ABCA10: variants seen among roughly 807,000 people sequenced by gnomAD.
ABCA10 encodes ATP binding cassette subfamily A member 10, also known as ATP-binding cassette sub-family A member 10.
A neutral mutation model predicts 187.5 loss-of-function variants in ABCA10; 169 were observed. The ratio of observed to expected loss-of-function variants is 0.90; its 90% CI spans 0.80 to 1.02. The LOEUF is 1.02. ABCA10 is among the 50% of genes least tolerant of loss of function. The probability of loss-of-function intolerance (pLI) is 0.00; values close to 1 mark genes in which losing one functional copy is unlikely to be tolerated. For missense variants in ABCA10, 1,727 were observed against 1,812.4 expected, an observed-to-expected ratio of 0.95 and a Z score of 0.86; for synonymous variants, 574 against 601.8, an observed-to-expected ratio of 0.95 and a Z score of 0.68.
Position 69,174,404 on chromosome 17 carries a change from A to G in ABCA10, c.3049-10T>C, listed in dbSNP as rs757563424. 6.4e-7 allele frequency: 1 copy of G among 1,562,248 alleles called. No homozygotes were observed. Among genetic ancestry groups the G allele is most frequent in the Non-Finnish European group, 8.7e-7 (1 of 1,149,072 alleles). Reference sequence around the variant, plus strand: ...CAATTATGCATACCACCTGCAAATAATGAGGATCAATGGCAAGATTAGAAA... The same window carrying G: ...CAATTATGCATACCACCTGCAAATAGTGAGGATCAATGGCAAGATTAGAAA... On this transcript the variant is annotated splice_polypyrimidine_tract_variant and intron_variant, in intron 24 of 38. Coordinates refer to ENST00000690296, the MANE Select transcript of ABCA10 (RefSeq NM_001377321.1).
In ABCA10 at chr17:69,174,724, C is replaced by T; in HGVS notation, c.2931G>A (p.Trp977Ter). 1 of 1,609,836 alleles carries T rather than the reference C, an allele frequency of 6.2e-7. No homozygotes were observed. Among genetic ancestry groups the T allele is most frequent in the East Asian group, 2.2e-5 (1 of 44,836 alleles). Residue 977 changes from tryptophan (W) to a stop codon, truncating the protein, a stop_gained, in exon 24 of 39, where the codon TGG (tryptophan) becomes TGA (stop). Transcript: ENST00000690296. LOFTEE classifies it high-confidence loss of function. ...GAATGTCCACCAGAGCCTGTCCACA[C>T]CAGTATGCTGAAGGCCAGAGGCCTG... Reference protein sequence around the residue: ...WISGLWPSAYWCGQALVDIPL... With the variant: ...WISGLWPSAY
intron 5 of ABCA10, 62 bp downstream of exon 5, chr17:69,221,730 C>A (rs926605382): frequency 2.1e-6 from 3 of 1,401,242 alleles, no homozygotes; most frequent in East Asian, 4.8e-5. Flanking sequence ...GGGGATGAGG[C>A]AGATATTTAA....
intron 9 of ABCA10, among the ~76,000 whole-genome samples, chr17:69,203,180 T>C (rs975467157): frequency 6.6e-6 from 1 of 152,142 alleles, no homozygotes; most frequent in African/African-American, 2.4e-5. Flanking sequence ...AGAGATATTA[T>C]GTGGGAGAGA....
rs764900379 is a variant in ABCA10, at chr17:69,154,310, T to C, written c.3711A>G (p.Leu1237=). 6.2e-6 allele frequency: 10 copies of C among 1,602,832 alleles called. No homozygotes were observed. Among genetic ancestry groups the C allele is most frequent in the Non-Finnish European group, 8.5e-6 (10 of 1,177,740 alleles). The change falls in exon 31 of 39, where the codon TTA becomes TTG. Residue 1237 remains leucine, a synonymous_variant. Coordinates refer to ENST00000690296, the MANE Select transcript of ABCA10 (RefSeq NM_001377321.1). ...FCVKKGEVLG[L]LGHNGAGKST... is the part of the protein sequence containing the mutation. ...TTTTACCAGCTCCATTGTGTCCTAG[T>C]AATCCCAAAACTTCACCTGGAAGAA...
intron 25 of ABCA10, among the ~76,000 whole-genome samples, chr17:69,166,324 A>G (rs999684716): frequency 1.4e-5 from 2 of 143,984 alleles, no homozygotes; most frequent in African/African-American, 5.0e-5. Flanking sequence ...GAAGCAGAGA[A>G]AAGTCATGAG....
rs2074484606 is a variant in ABCA10 at position 69,194,504 on chromosome 17, G to C, written c.1235-9C>G. On this transcript the variant is annotated splice_polypyrimidine_tract_variant and intron_variant, in intron 11 of 38. Transcript: ENST00000690296. ...TATGTCAAAAAATATGCCTGTTTTAGAATAAAAAGTGGAAATTAGATTTTG... is the reference window on the plus strand; with the variant it reads ...TATGTCAAAAAATATGCCTGTTTTACAATAAAAAGTGGAAATTAGATTTTG... 1.3e-6 allele frequency: 2 copies of C among 1,584,012 alleles called. No individual in the cohort carries two copies. Among genetic ancestry groups the C allele is most frequent in the South Asian group, 2.3e-5 (2 of 86,672 alleles).
At chr17:69,182,045 C>T in intron 22 of ABCA10, 108 bp downstream of exon 22, 1 of 1,157,674 alleles carries the variant, frequency 8.6e-7, no homozygotes, top group Non-Finnish European at 1.1e-6. Flanking sequence ...AAGAAACTTG[C>T]TGTTAAGTGG....
intron 9 of ABCA10, among the ~76,000 whole-genome samples, chr17:69,205,077 G>C (rs8071249): frequency 0.55 from 83,482 of 151,988 alleles, 24,749 homozygotes; most frequent in Non-Finnish European, 0.67. Context: ...GCAGTGAGCT[G>C]AGATTGTACC....
intron 1 of ABCA10, chr17:69,234,997 T>A (rs563959528): frequency 2.0e-5 from 3 of 152,192 alleles, no homozygotes; most frequent in African/African-American, 7.2e-5. Flanking sequence ...AGGAAAAAAA[T>A]TAACTAATTT....
At chr17:69,179,213 A>AC (rs1254035839) in intron 22 of ABCA10, among the ~76,000 whole-genome samples, 10 of 152,156 alleles carry the variant, frequency 6.6e-5, no homozygotes, top group South Asian at 2.1e-4. Context: ...AACAAACAAA[A>AC]AAAAAACCTC....
intron 36 of ABCA10, among the ~76,000 whole-genome samples, chr17:69,151,276 C>A (rs1417651551): frequency 1.3e-5 from 2 of 152,186 alleles, no homozygotes. Flanking sequence ...CTTCAGCTGA[C>A]CAAACCCTGC....
At chr17:69,186,314 C>T (rs775508279) in intron 19 of ABCA10, among the ~76,000 whole-genome samples, 1 of 152,140 alleles carries the variant, frequency 6.6e-6, no homozygotes, top group Non-Finnish European at 1.5e-5. Context: ...GACAGAAACT[C>T]CTTCATCTTA....
chr17:69,237,288 A>T (rs927221206), intron 1 of ABCA10, among the ~76,000 whole-genome samples: 5 of 152,198 alleles, frequency 3.3e-5, no homozygotes, highest in African/African-American at 1.2e-4. Context: ...ATCAATGCAA[A>T]ATGTTTCTGA....
At position 69,153,442 on chromosome 17, in the gene ABCA10, C is replaced by T. The variant is rs775405557; in HGVS notation, c.4041+29G>A. 6.2e-6 allele frequency: 10 copies of T among 1,613,848 alleles called. No individual in the cohort carries two copies. The Admixed American group carries it at 1.2e-4, about 19-fold the overall frequency. Reference sequence around the variant, plus strand: ...GCCCGTCGGCACCCAGCCATGGGTGCACAGGGAAACCCCGAGCCTGGCCCA... The same window carrying T: ...GCCCGTCGGCACCCAGCCATGGGTGTACAGGGAAACCCCGAGCCTGGCCCA... On this transcript the variant is annotated intron_variant, in intron 33 of 38. Coordinates refer to ENST00000690296, the MANE Select transcript of ABCA10 (RefSeq NM_001377321.1).
rs928536174 is a variant in ABCA10 at position 69,153,361 on chromosome 17, C to G, written c.4080G>C (p.Val1360=). 4 of 1,613,740 alleles carry G rather than the reference C, an allele frequency of 2.5e-6. No homozygotes were observed. The highest frequency in any genetic ancestry group is 3.4e-6 in the Non-Finnish European group (4 of 1,179,812). The change falls in exon 34 of 39, where the codon GTG becomes GTC. Residue 1360 remains valine (V), a synonymous_variant. Coordinates refer to ENST00000690296, the MANE Select transcript of ABCA10 (RefSeq NM_001377321.1). ...CGGTGAACGGCTCATCTAGAAGCAC[C>G]ACTGATGGGTTCCCCAGGATGCTCA... ...FVLSILGNPS[V]VLLDEPFTGM...
upstream of ABCA10, among the ~76,000 whole-genome samples, chr17:69,230,241 G>A (rs915396449): frequency 6.6e-6 from 1 of 152,098 alleles, no homozygotes; most frequent in Non-Finnish European, 1.5e-5. Flanking sequence ...AGAACTGTGA[G>A]AAATAAGTTT....
In ABCA10 at chr17:69,150,789, G is replaced by GT. The variant is rs1427820568; in HGVS notation, c.4398-727dup. On this transcript the variant is annotated intron_variant, in intron 36 of 38. Transcript: ENST00000690296. ...CACATCTGAAGTACTCAGTAGCTAC[G>GT]TATGTGTAGTGACTACCATCCTGGA... Among the ~76,000 whole-genome samples, 5 of 152,206 alleles carry GT rather than the reference G, an allele frequency of 3.3e-5. No individual in the cohort carries two copies. In the East Asian group the frequency reaches 7.7e-4, roughly 24 times the overall value.
At chr17:69,191,892 C>G (rs534828937) in intron 16 of ABCA10, among the ~76,000 whole-genome samples, 3 of 152,132 alleles carry the variant, frequency 2.0e-5, no homozygotes, top group African/African-American at 4.8e-5. Flanking sequence ...CTAAAATGTT[C>G]CCATGTGATA....
At chr17:69,218,963 C>A (rs2074726154) in intron 6 of ABCA10, among the ~76,000 whole-genome samples, 2 of 152,190 alleles carry the variant, frequency 1.3e-5, no homozygotes, top group Non-Finnish European at 2.9e-5. Context: ...CTAGCTTTGA[C>A]CTCATGGTGG....
Sources: allele counts gnomAD v4.1 joint callset (sites outside exome capture counted in the v4.1 genomes callset), GRCh38; gene constraint gnomAD v4.1.1; transcripts MANE v1.5; gene names NCBI Gene and HGNC (gene_info 2026-07-23, HGNC 2026-07-21).